TUSC3: variants seen among roughly 807,000 people sequenced by gnomAD.
TUSC3 encodes dolichyl-diphosphooligosaccharide--protein glycosyltransferase subunit TUSC3.
In TUSC3, 45 loss-of-function variants were observed where a neutral mutation model predicts 44.8. The ratio of observed to expected loss-of-function variants is 1.00; its 90% CI spans 0.79 to 1.29. TUSC3 has a LOEUF of 1.29. Among genes scored for constraint, TUSC3 ranks in the 50% most tolerant of loss-of-function variants. The pLI is 0.00. For synonymous variants in TUSC3, 212 were observed against 152.9 expected, an observed-to-expected ratio of 1.39 and a Z score of -2.85; for missense variants, 519 against 437.9, an observed-to-expected ratio of 1.19 and a Z score of -1.65.
intron 9 of TUSC3, among the ~76,000 whole-genome samples, chr8:15,749,271 T>G (rs761852997): frequency 1.2e-4 from 18 of 152,124 alleles, no homozygotes; most frequent in Non-Finnish European, 1.8e-4. Flanking sequence ...AAATAAAAGC[T>G]CCTCAAAGCC....
chr8:15,569,925 A>G (rs1196098501), intron 1 of TUSC3, among the ~76,000 whole-genome samples: 1 of 152,088 alleles, frequency 6.6e-6, no homozygotes, highest in African/African-American at 2.4e-5. Context: ...CAGCATTTAA[A>G]ATTTTGTCAT....
intron 8 of TUSC3, among the ~76,000 whole-genome samples, chr8:15,746,101 T>C (rs536707468): frequency 1.3e-5 from 2 of 152,234 alleles, no homozygotes; most frequent in African/African-American, 4.8e-5. Context: ...GCGATTTCTA[T>C]TCTGTTCCAT....
At chr8:15,729,681 G>A (rs879921575) in intron 6 of TUSC3, among the ~76,000 whole-genome samples, 2 of 152,038 alleles carry the variant, frequency 1.3e-5, no homozygotes, top group African/African-American at 2.4e-5. Flanking sequence ...GGACAGAGAG[G>A]GGAACAGTAG....
the TUSC3 span, among the ~76,000 whole-genome samples, chr8:15,837,238 G>T: frequency 2.6e-5 from 4 of 151,904 alleles, no homozygotes; most frequent in East Asian, 3.9e-4. Context: ...AAAAAATCAC[G>T]TAACTTATTA....
At chr8:15,503,881 G>T (rs546117264) in intron 2 of TUSC3, among the ~76,000 whole-genome samples, 14 of 151,974 alleles carry the variant, frequency 9.2e-5, no homozygotes, top group Non-Finnish European at 1.8e-4. Flanking sequence ...TGGGTGTGGT[G>T]GTGCACACCT....
At chr8:15,817,388 T>TTG in the TUSC3 span, among the ~76,000 whole-genome samples, 1 of 150,278 alleles carries the variant, frequency 6.7e-6, no homozygotes, top group African/African-American at 2.4e-5. Flanking sequence ...GCTCAAAGGG[T>TTG]AACTATGTGG....
chr8:15,806,985 T>G, the TUSC3 span: 15 of 1,463,746 alleles, frequency 1.0e-5, no homozygotes, highest in Non-Finnish European at 1.4e-5. Context: ...CTGTTCTGAT[T>G]CCATTCTTTA....
intron 5 of TUSC3, among the ~76,000 whole-genome samples, chr8:15,667,204 G>T (rs1807701599): frequency 6.6e-6 from 1 of 151,410 alleles, no homozygotes; most frequent in African/African-American, 2.4e-5. Context: ...CCTTTCCATG[G>T]AATTAAAGAC....
the TUSC3 span, among the ~76,000 whole-genome samples, chr8:15,810,436 G>A: frequency 6.6e-6 from 1 of 151,888 alleles, no homozygotes; most frequent in African/African-American, 2.4e-5. Context: ...CCAGGAGTTT[G>A]AGAGCAGCCT....
chr8:15,832,709 G>T, the TUSC3 span, among the ~76,000 whole-genome samples: 1 of 152,078 alleles, frequency 6.6e-6, no homozygotes, highest in Non-Finnish European at 1.5e-5. Context: ...AAGGGTAAAG[G>T]GTTCAATTCA....
At chr8:15,642,210 ATCTC>A (rs974064616) in intron 2 of TUSC3, among the ~76,000 whole-genome samples, 1 of 152,200 alleles carries the variant, frequency 6.6e-6, no homozygotes, top group African/African-American at 2.4e-5. Context: ...CACAAGATAG[ATCTC>A]TCTCTATACA....
intron 1 of TUSC3, chr8:15,483,365 A>G: frequency 4.6e-6 from 1 of 219,306 alleles, no homozygotes; most frequent in Non-Finnish European, 9.2e-6. Flanking sequence ...TTTGAGACGG[A>G]GTTTCACTGT....
At chr8:15,590,126 G>C (rs770440091) in intron 1 of TUSC3, among the ~76,000 whole-genome samples, 56 of 152,150 alleles carry the variant, frequency 3.7e-4, no homozygotes, top group Admixed American at 7.9e-4. Flanking sequence ...AGAGGTGATA[G>C]ATGACATTTA....
At chr8:15,745,742 T>TTGTC (rs1159446759) in intron 8 of TUSC3, among the ~76,000 whole-genome samples, 5 of 151,896 alleles carry the variant, frequency 3.3e-5, no homozygotes, top group Non-Finnish European at 7.4e-5. Context: ...ATTCTGTAGG[T>TTGTC]TGTCTGTTTA....
intron 1 of TUSC3, among the ~76,000 whole-genome samples, chr8:15,468,694 T>A (rs959117312): frequency 2.6e-5 from 4 of 152,140 alleles, no homozygotes; most frequent in African/African-American, 9.7e-5. Flanking sequence ...GGCTAGAGAC[T>A]TCTAGAAAGG....
chr8:15,774,257 G>T, the TUSC3 span, among the ~76,000 whole-genome samples: 3 of 151,868 alleles, frequency 2.0e-5, no homozygotes, highest in Non-Finnish European at 4.4e-5. Flanking sequence ...AAGATAAGTT[G>T]AAGTCCTGAT....
intron 1 of TUSC3, among the ~76,000 whole-genome samples, chr8:15,563,856 T>TG (rs2129140962): frequency 6.6e-6 from 1 of 152,156 alleles, no homozygotes; most frequent in African/African-American, 2.4e-5. Context: ...TCACGTATCT[T>TG]GTAGTCTCAG....
intron 2 of TUSC3, among the ~76,000 whole-genome samples, chr8:15,510,694 C>A (rs956448934): frequency 1.3e-5 from 2 of 151,920 alleles, no homozygotes; most frequent in Non-Finnish European, 2.9e-5. Context: ...ACAAACTGTT[C>A]CTGAAAATTT....
At chr8:15,440,227 G>A (rs1173822775) in intron 1 of TUSC3, among the ~76,000 whole-genome samples, 1 of 152,176 alleles carries the variant, frequency 6.6e-6, no homozygotes, top group Non-Finnish European at 1.5e-5. Context: ...GAGGAGTAGA[G>A]CTGAGAACTT....
Sources: gnomAD v4.1 joint callset for allele counts (sites outside exome capture counted in the v4.1 genomes callset) on GRCh38, gnomAD v4.1.1 for gene constraint, MANE v1.5 for transcripts, NCBI Gene and HGNC (gene_info 2026-07-23, HGNC 2026-07-21) for gene names.